The following ADAMTSL1 variants were observed in gnomAD, a reference collection of about 807,000 sequenced individuals.
ADAMTSL1 encodes ADAMTS like 1.
ADAMTSL1 carries 126 observed loss-of-function variants against 201.8 expected under a neutral mutation model. The ratio of observed to expected loss-of-function variants is 0.62; its 90% confidence interval spans 0.54 to 0.72. The LOEUF (loss-of-function observed/expected upper bound fraction) is 0.72. Among genes scored for constraint, ADAMTSL1 ranks in the 30% least tolerant of loss-of-function variants. The pLI, the probability that ADAMTSL1 is intolerant of heterozygous loss-of-function variation, is 0.00. For synonymous variants in ADAMTSL1, 1,121 were observed against 903.4 expected (o/e 1.24, Z -4.32); for missense variants, 2,679 against 2,277.8 (o/e 1.18, Z -3.59).
At chr9:18,646,160 C>T (rs36169929) in intron 7 of ADAMTSL1, among the ~76,000 whole-genome samples, 3 of 150,848 alleles carry the variant, frequency 2.0e-5, no homozygotes, top group East Asian at 3.9e-4. Context: ...AATTGTGAAT[C>T]GGAGTTCACT....
At chr9:18,223,558 A>G (rs1830338936) in intron 2 of ADAMTSL1, among the ~76,000 whole-genome samples, 1 of 152,090 alleles carries the variant, frequency 6.6e-6, no homozygotes, top group African/African-American at 2.4e-5. Context: ...CTGACTTATT[A>G]ATATAAATTA....
At chr9:18,740,297 A>G (rs1398965041) in intron 15 of ADAMTSL1, among the ~76,000 whole-genome samples, 1 of 151,998 alleles carries the variant, frequency 6.6e-6, no homozygotes, top group Non-Finnish European at 1.5e-5. Flanking sequence ...AGTGAGCTGA[A>G]GTCACCTTTG....
At chr9:18,136,611 G>A (rs780788631) in intron 1 of ADAMTSL1, among the ~76,000 whole-genome samples, 4 of 152,044 alleles carry the variant, frequency 2.6e-5, no homozygotes, top group Non-Finnish European at 5.9e-5. Flanking sequence ...GGGCTTCACA[G>A]AGAGGATAAG....
At chr9:18,284,793 G>A (rs1378969817) in intron 2 of ADAMTSL1, among the ~76,000 whole-genome samples, 1 of 152,102 alleles carries the variant, frequency 6.6e-6, no homozygotes, top group Non-Finnish European at 1.5e-5. Context: ...CCAGAAAGCA[G>A]CATATTATAT....
At chr9:17,912,738 G>A (rs1825934872) in intron 1 of ADAMTSL1, among the ~76,000 whole-genome samples, 2 of 66,398 alleles carry the variant, frequency 3.0e-5, no homozygotes, top group African/African-American at 3.0e-5. Context: ...TGTTTTTGGT[G>A]TTCTAGACAT....
intron 7 of ADAMTSL1, among the ~76,000 whole-genome samples, chr9:18,644,301 T>A (rs1320084593): frequency 6.6e-6 from 1 of 152,014 alleles, no homozygotes; most frequent in African/African-American, 2.4e-5. Context: ...ATTTAAGCAG[T>A]GCATTGCTTT....
intron 2 of ADAMTSL1, among the ~76,000 whole-genome samples, chr9:18,327,818 A>G (rs946251262): frequency 6.6e-6 from 1 of 152,232 alleles, no homozygotes; most frequent in Non-Finnish European, 1.5e-5. Context: ...AAGAAATGTT[A>G]GGCAGAAATA....
chr9:17,931,417 A>G (rs1267769128), intron 1 of ADAMTSL1, among the ~76,000 whole-genome samples: 1 of 152,112 alleles, frequency 6.6e-6, no homozygotes, highest in Non-Finnish European at 1.5e-5. Flanking sequence ...GTTTTCTTTC[A>G]TCATCCATCT....
intron 2 of ADAMTSL1, among the ~76,000 whole-genome samples, chr9:18,179,584 C>A (rs924738352): frequency 6.6e-6 from 1 of 152,026 alleles, no homozygotes; most frequent in Non-Finnish European, 1.5e-5. Flanking sequence ...TCAGATTCAC[C>A]AAAGTTGAAA....
chr9:18,319,164 A>G (rs1225987269), intron 2 of ADAMTSL1, among the ~76,000 whole-genome samples: 1 of 152,138 alleles, frequency 6.6e-6, no homozygotes, highest in Admixed American at 6.5e-5. Flanking sequence ...TGAGCCATGA[A>G]GGTGCCAGCC....
At chr9:18,243,733 C>T (rs994734045) in intron 2 of ADAMTSL1, among the ~76,000 whole-genome samples, 2 of 151,604 alleles carry the variant, frequency 1.3e-5, no homozygotes, top group Non-Finnish European at 3.0e-5. Context: ...ACTTTCAGTC[C>T]CATCTTCTGT....
chr9:17,940,716 A>AT (rs974181408), intron 1 of ADAMTSL1, among the ~76,000 whole-genome samples: 3 of 138,632 alleles, frequency 2.2e-5, no homozygotes, highest in African/African-American at 8.1e-5. Flanking sequence ...AACGTGCAAA[A>AT]AAAAAAAAAA....
intron 1 of ADAMTSL1, among the ~76,000 whole-genome samples, chr9:18,013,190 A>G (rs1378091431): frequency 2.0e-5 from 3 of 152,044 alleles, no homozygotes; most frequent in East Asian, 3.9e-4. Flanking sequence ...CATAATTACA[A>G]TAATAATTTT....
chr9:18,865,884 G>C (rs1827498741), intron 23 of ADAMTSL1, among the ~76,000 whole-genome samples: 1 of 152,106 alleles, frequency 6.6e-6, no homozygotes, highest in South Asian at 2.1e-4. Flanking sequence ...ACTGCCTGCT[G>C]ATGGCCTCTT....
chr9:18,520,365 A>C (rs1287509195), intron 2 of ADAMTSL1, among the ~76,000 whole-genome samples: 1 of 152,266 alleles, frequency 6.6e-6, no homozygotes, highest in Non-Finnish European at 1.5e-5. Context: ...CTGGATATAC[A>C]TAAATCAGTG....
chr9:18,306,071 A>G (rs753530695), intron 2 of ADAMTSL1, among the ~76,000 whole-genome samples: 7 of 151,998 alleles, frequency 4.6e-5, no homozygotes, highest in Non-Finnish European at 1.0e-4. Flanking sequence ...CAAACAGGGC[A>G]TGGAGTATCC....
At chr9:18,128,740 T>C (rs1825836857) in intron 1 of ADAMTSL1, among the ~76,000 whole-genome samples, 1 of 152,158 alleles carries the variant, frequency 6.6e-6, no homozygotes, top group African/African-American at 2.4e-5. Context: ...CCCCCCTTTT[T>C]TTCAATTCCC....
At chr9:18,153,097 C>G (rs1366895387) in intron 1 of ADAMTSL1, among the ~76,000 whole-genome samples, 1 of 152,028 alleles carries the variant, frequency 6.6e-6, no homozygotes. Context: ...CTTTTAATAG[C>G]AGCTCACATT....
intron 16 of ADAMTSL1, among the ~76,000 whole-genome samples, chr9:18,762,220 C>T (rs139786604): frequency 1.3e-5 from 2 of 152,146 alleles, no homozygotes; most frequent in Non-Finnish European, 2.9e-5. Flanking sequence ...AGGAAAATAG[C>T]GGGCACATAA....
Sources: gnomAD v4.1 joint callset for allele counts (sites outside exome capture counted in the v4.1 genomes callset) on GRCh38, gnomAD v4.1.1 for gene constraint, MANE v1.5 for transcripts, NCBI Gene and HGNC (gene_info 2026-07-23, HGNC 2026-07-21) for gene names.